Variants in RILPL2 observed in about 807,000 individuals in gnomAD.
The protein encoded by RILPL2 is Rab interacting lysosomal protein like 2.
RILPL2 carries 19 observed loss-of-function variants against 22.2 expected under a neutral mutation model. The observed-to-expected ratio is 0.86, with a 90% CI of 0.60 to 1.25. The LOEUF (loss-of-function observed/expected upper bound fraction) is 1.25. Among genes scored for constraint, RILPL2 ranks in the 50% most tolerant of loss-of-function variants. RILPL2 has a pLI of 0.00. For synonymous variants in RILPL2, 123 were observed against 111.6 expected (o/e 1.10, Z -0.64); for missense variants, 243 against 263.6 (o/e 0.92, Z 0.54).
intron 1 of RILPL2, among the ~76,000 whole-genome samples, chr12:123,434,892 G>C (rs1879750924): frequency 6.6e-6 from 1 of 151,394 alleles, no homozygotes; most frequent in Non-Finnish European, 1.5e-5. Flanking sequence ...ATGTACAGTA[G>C]GGCTGGGTGC....
In RILPL2 at chr12:123,420,260, C is replaced by T. The variant is rs569493774; in HGVS notation, c.605+2784G>A. On this transcript the variant is annotated intron_variant, in intron 3 of 3. Coordinates refer to ENST00000280571, the MANE Select transcript of RILPL2 (RefSeq NM_145058.3). The stretch of plus-strand genomic sequence containing the variant: ...CAGGATGGTCTCGATCTCCTGACCT[C>T]GTGATCCTCCCGCCTCGGCCTCCCA... 4.0e-5 allele frequency among the ~76,000 whole-genome samples: 6 copies of T among 151,772 alleles called. No individual in the cohort carries two copies. The East Asian group carries it at 9.7e-4, about 25-fold the overall frequency.
intron 1 of RILPL2, among the ~76,000 whole-genome samples, chr12:123,435,749 A>C (rs1879775406): frequency 6.6e-6 from 1 of 152,178 alleles, no homozygotes; most frequent in Non-Finnish European, 1.5e-5. Flanking sequence ...AAAAGAAAAA[A>C]AAAGTGTTTC....
chr12:123,424,467 G>C (rs939238313), intron 2 of RILPL2, among the ~76,000 whole-genome samples: 1 of 151,956 alleles, frequency 6.6e-6, no homozygotes, highest in Non-Finnish European at 1.5e-5. Context: ...AAGTAGCTGG[G>C]ATTACAGGTG....
intron 3 of RILPL2, among the ~76,000 whole-genome samples, chr12:123,420,419 G>A (rs1032666988): frequency 2.6e-5 from 4 of 151,552 alleles, no homozygotes; most frequent in African/African-American, 7.3e-5. Context: ...GATTACAGGC[G>A]TAAGCCACTG....
intron 2 of RILPL2, among the ~76,000 whole-genome samples, chr12:123,430,087 G>C (rs554050260): frequency 7.3e-6 from 1 of 137,402 alleles, no homozygotes; most frequent in African/African-American, 2.8e-5. Context: ...CTGGGCGACA[G>C]GGTGAGACCC....
intron 3 of RILPL2, among the ~76,000 whole-genome samples, chr12:123,418,821 C>G (rs1333964913): frequency 7.6e-6 from 1 of 131,160 alleles, no homozygotes; most frequent in Non-Finnish European, 1.5e-5. Flanking sequence ...AGTGCAGTGG[C>G]GCAATCTCAG....
At chr12:123,417,838 G>C (rs1879161844) in intron 3 of RILPL2, among the ~76,000 whole-genome samples, 1 of 152,210 alleles carries the variant, frequency 6.6e-6, no homozygotes, top group Admixed American at 6.5e-5. Flanking sequence ...GCCCGCCTTG[G>C]CCTCCCAAAG....
At chr12:123,432,185 C>A (rs1879671674) in intron 1 of RILPL2, among the ~76,000 whole-genome samples, 1 of 152,102 alleles carries the variant, frequency 6.6e-6, no homozygotes, top group South Asian at 2.1e-4. Context: ...GCATAAGCCA[C>A]CACGCCCAGC....
At chr12:123,422,332 A>G (rs1329994702) in intron 3 of RILPL2, among the ~76,000 whole-genome samples, 1 of 151,888 alleles carries the variant, frequency 6.6e-6, no homozygotes, top group African/African-American at 2.4e-5. Context: ...CCTGTCCAAC[A>G]TGGTGAAACC....
chr12:123,428,628 A>G (rs1044175051), intron 2 of RILPL2, among the ~76,000 whole-genome samples: 2 of 152,198 alleles, frequency 1.3e-5, no homozygotes, highest in Non-Finnish European at 2.9e-5. Context: ...GTATGTCCTT[A>G]ATTCCAAGCT....
intron 1 of RILPL2, among the ~76,000 whole-genome samples, chr12:123,433,594 T>G (rs1879711700): frequency 6.6e-6 from 1 of 152,024 alleles, no homozygotes; most frequent in South Asian, 2.1e-4. Context: ...GTATTTTTAG[T>G]AGAGACAGGG....
intron 3 of RILPL2, among the ~76,000 whole-genome samples, chr12:123,418,732 C>A (rs1480753833): frequency 1.4e-5 from 2 of 148,000 alleles, no homozygotes; most frequent in African/African-American, 5.0e-5. Flanking sequence ...GAACCACTGA[C>A]TTGATTTCTT....
intron 2 of RILPL2, among the ~76,000 whole-genome samples, chr12:123,430,306 G>T (rs1879596058): frequency 6.6e-6 from 1 of 151,904 alleles, no homozygotes; most frequent in South Asian, 2.1e-4. Context: ...CTACTCGGGA[G>T]GCTGAGGCAG....
intron 2 of RILPL2, among the ~76,000 whole-genome samples, chr12:123,427,693 C>G (rs1327518552): frequency 6.6e-6 from 1 of 152,056 alleles, no homozygotes; most frequent in Non-Finnish European, 1.5e-5. Flanking sequence ...AGGTATGAGT[C>G]ACCACGCCTG....
intron 3 of RILPL2, 62 bp downstream of exon 3, chr12:123,422,982 C>T (rs952449774): frequency 4.0e-6 from 5 of 1,234,834 alleles, no homozygotes; most frequent in Non-Finnish European, 6.0e-6. Flanking sequence ...CCTCTTCTTG[C>T]CCCCGACTAC....
chr12:123,429,592 C>T (rs1320999626), intron 2 of RILPL2, among the ~76,000 whole-genome samples: 5 of 151,462 alleles, frequency 3.3e-5, no homozygotes, highest in Non-Finnish European at 7.4e-5. Flanking sequence ...CATCCCCAGT[C>T]GTTTTTATTT....
intron 1 of RILPL2, among the ~76,000 whole-genome samples, chr12:123,431,181 G>A (rs1879637967): frequency 6.6e-6 from 1 of 152,154 alleles, no homozygotes. Flanking sequence ...AATAGATAAA[G>A]AAAGTATAGT....
chr12:123,430,655 T>C lies in RILPL2; in HGVS notation c.344A>G (p.Asn115Ser). The C allele has an allele frequency of 6.3e-7, 1 of 1,583,404 alleles. No homozygotes were observed. ...AACCACCATTTTGTTTGGGCCCAGG[T>C]TCACCTGGAAGAAAAGACGCAACCT... The part of the protein sequence containing the change: ...RQSPPASGEV[N>S]LGPNKMVVDL... The change falls in exon 2 of 4, where the codon AAC (asparagine) becomes AGC (serine). Residue 115 changes from asparagine (N) to serine (S), a missense_variant. Physicochemically the swap from Asn to Ser is conservative, Grantham distance 46. Coordinates refer to ENST00000280571, the MANE Select transcript of RILPL2 (RefSeq NM_145058.3).
At chr12:123,421,770 C>T (rs896931764) in intron 3 of RILPL2, among the ~76,000 whole-genome samples, 6 of 150,120 alleles carry the variant, frequency 4.0e-5, no homozygotes, top group South Asian at 2.1e-4. Context: ...CGGGCTCAAG[C>T]GATTCTCCTG....
Sources: allele counts gnomAD v4.1 joint callset (sites outside exome capture counted in the v4.1 genomes callset), GRCh38; gene constraint gnomAD v4.1.1; transcripts MANE v1.5; gene names NCBI Gene and HGNC (gene_info 2026-07-23, HGNC 2026-07-21).